Variants in SLC25A23 observed in about 807,000 individuals in gnomAD.
SLC25A23 encodes solute carrier family 25 member 23.
A neutral mutation model predicts 53.9 loss-of-function variants in SLC25A23; 32 were observed. That is an observed-to-expected ratio of 0.59 (90% confidence interval 0.45 to 0.80). SLC25A23 has a LOEUF of 0.80. Ranked by LOEUF, SLC25A23 falls within the 30% of genes least tolerant of loss-of-function variation. The probability of loss-of-function intolerance (pLI) is 0.00; values close to 1 mark genes in which losing one functional copy is unlikely to be tolerated. For synonymous variants in SLC25A23, 275 were observed against 264.5 expected, an observed-to-expected ratio of 1.04 and a Z score of -0.38; for missense variants, 575 against 651.4, an observed-to-expected ratio of 0.88 and a Z score of 1.28.
intron 1 of SLC25A23, 80 bp from the exon 2 acceptor site, chr19:6,458,404 A>C: frequency 6.8e-7 from 1 of 1,480,790 alleles, no homozygotes; most frequent in Non-Finnish European, 9.0e-7. Context: ...CTTATGCCTT[A>C]GGAACCCAGA....
chr19:6,454,578 C>T lies in SLC25A23; in HGVS notation c.623G>A (p.Arg208His), dbSNP rs573934447. 2.0e-5 allele frequency: 32 copies of T among 1,613,690 alleles called. No homozygotes were observed. Among genetic ancestry groups the T allele is most frequent in the Middle Eastern group, 1.7e-4 (1 of 6,060 alleles). Residue 208 changes from arginine to histidine, a missense_variant, in exon 5 of 10, where the codon CGC becomes CAC. Physicochemically the swap from Arg to His is conservative, Grantham distance 29. Coordinates refer to ENST00000301454, the MANE Select transcript of SLC25A23 (RefSeq NM_024103.3). The surrounding 1 kb of genome is among the most constrained non-coding windows in gnomAD (Gnocchi z 4.3). The stretch of plus-strand genomic sequence containing the variant: ...CCTCACCTGCATGAAGACCTTGAGG[C>T]GGTCCAGAGGGGCCGTGCCTGTCCG... ...VSRTGTAPLD[R>H]LKVFMQVHAS...
In SLC25A23 at chr19:6,459,198, A is replaced by T. The variant is rs971150257; in HGVS notation, c.156+275T>A. 6.6e-6 allele frequency among the ~76,000 whole-genome samples: 1 copy of T among 152,064 alleles called. No individual in the cohort carries two copies. Among genetic ancestry groups the T allele is most frequent in the Non-Finnish European group, 1.5e-5 (1 of 67,984 alleles). Reference sequence around the variant, plus strand: ...GGTGTGTCCCGGGCAGTGGGCAGGAAAGCGCCCCCATCTCTTCCCAGGCAG... The same window carrying T: ...GGTGTGTCCCGGGCAGTGGGCAGGATAGCGCCCCCATCTCTTCCCAGGCAG... On this transcript the variant is annotated intron_variant, in intron 1 of 9. Coordinates refer to ENST00000301454, the MANE Select transcript of SLC25A23 (RefSeq NM_024103.3). This position sits in a 1 kb window ranked among gnomAD's most constrained non-coding sequence, Gnocchi z 4.6.
Position 6,442,171 on chromosome 19 carries a change from C to CTGGGTGGGGGG in SLC25A23, c.1223-13_1223-12insCCCCCCACCCA. On this transcript the variant is annotated splice_polypyrimidine_tract_variant and intron_variant, in intron 9 of 9. Coordinates refer to ENST00000301454, the MANE Select transcript of SLC25A23 (RefSeq NM_024103.3). Reference sequence around the variant, plus strand: ...ACCCTCGATGGAGGCTGGGAGGGGGCGGGGGGGGCACCAGGTAAGGCCAAC... The same window carrying CTGGGTGGGGGG: ...ACCCTCGATGGAGGCTGGGAGGGGGCTGGGTGGGGGGGGGGGGGGCACCAGGTAAGGCCAAC... 1.7e-6 allele frequency: 1 copy of CTGGGTGGGGGG among 597,884 alleles called. No individual in the cohort carries two copies. Among genetic ancestry groups the CTGGGTGGGGGG allele is most frequent in the Non-Finnish European group, 2.6e-6 (1 of 384,764 alleles). The allele number at this position is 597,884 out of a possible 1,614,324, so 37.0% of individuals were successfully genotyped here.
intron 8 of SLC25A23, among the ~76,000 whole-genome samples, chr19:6,444,862 T>C (rs113002316): frequency 2.6e-5 from 4 of 151,886 alleles, no homozygotes; most frequent in African/African-American, 9.7e-5. Flanking sequence ...AGAGACAGGG[T>C]TTCACCGTGC....
At position 6,454,792 on chromosome 19, in the gene SLC25A23, T is replaced by A; in HGVS notation, c.484-75A>T. ...TGTGACTCAGTCCTAAATAGGGGAG[T>A]CTCCTCTATGAATCCTAGGATACCC... is the stretch of plus-strand genomic sequence containing the variant. On this transcript the variant is annotated intron_variant, in intron 4 of 9. Coordinates refer to ENST00000301454, the MANE Select transcript of SLC25A23 (RefSeq NM_024103.3). This position sits in a 1 kb window ranked among gnomAD's most constrained non-coding sequence, Gnocchi z 4.3. The A allele has an allele frequency of 2.0e-6, 3 of 1,521,334 alleles. No homozygotes were observed. The highest frequency in any genetic ancestry group is 1.2e-5 in the South Asian group (1 of 82,798). 94.2% of individuals were successfully genotyped at this position (1,521,334 alleles called of 1,614,324 possible). A position where few individuals can be genotyped will look rare whatever the true frequency, so the allele number is the denominator to read the frequency against.
intron 4 of SLC25A23, 119 bp downstream of exon 4, chr19:6,456,301 G>A: frequency 9.5e-7 from 1 of 1,053,916 alleles, no homozygotes; most frequent in South Asian, 1.5e-5. Context: ...GCTGCTGCCA[G>A]TGCCTTCTCC....
intron 8 of SLC25A23, among the ~76,000 whole-genome samples, chr19:6,450,522 C>T (rs1179666301): frequency 6.6e-6 from 1 of 152,134 alleles, no homozygotes; most frequent in East Asian, 1.9e-4. Context: ...CCATGCTGGT[C>T]TCATTCAACA....
intron 2 of SLC25A23, among the ~76,000 whole-genome samples, 176 bp from the exon 3 acceptor site, chr19:6,457,766 G>T (rs1392734847): frequency 6.6e-6 from 1 of 152,042 alleles, no homozygotes; most frequent in Non-Finnish European, 1.5e-5. Context: ...ACTGGGGTCA[G>T]AGAGGTGGAA....
intron 8 of SLC25A23, among the ~76,000 whole-genome samples, 188 bp from the exon 9 acceptor site, chr19:6,444,489 G>C (rs1435483088): frequency 1.3e-5 from 2 of 152,098 alleles, no homozygotes; most frequent in African/African-American, 4.8e-5. Flanking sequence ...CTCTCTGGTA[G>C]GTGGAATAAG....
At position 6,454,721 on chromosome 19, in the gene SLC25A23, A is replaced by C. The variant is rs747559236; in HGVS notation, c.484-4T>G. ...GGCACTCGCCAATGTCCAGGACCTA[A>C]AGATACAGGTGTTGGGGGTGTCATG... On this transcript the variant is annotated splice_polypyrimidine_tract_variant and splice_region_variant and intron_variant, in intron 4 of 9. Transcript: ENST00000301454. The surrounding 1 kb of genome is among the most constrained non-coding windows in gnomAD (Gnocchi z 4.3). 4 of 1,613,552 alleles carry C rather than the reference A, an allele frequency of 2.5e-6. No homozygotes were observed. The highest frequency in any genetic ancestry group is 3.4e-6 in the Non-Finnish European group (4 of 1,179,880).
rs762965215 is a variant in SLC25A23 at position 6,441,080 on chromosome 19, C to T, written c.*895G>A. ...GGGGCCCCCGCACTTGTTTTAGGAG[C>T]CAGAATCTGGTGGGTGAAGGCTTGG... On this transcript the variant is annotated 3_prime_UTR_variant, in exon 10 of 10. Coordinates refer to ENST00000301454, the MANE Select transcript of SLC25A23 (RefSeq NM_024103.3). 1 of 152,098 alleles carries T rather than the reference C, an allele frequency of 6.6e-6. No individual in the cohort carries two copies. Among genetic ancestry groups the T allele is most frequent in the South Asian group, 2.1e-4 (1 of 4,820 alleles). 9.4% of individuals were successfully genotyped at this position (152,098 alleles called of 1,614,324 possible).
intron 8 of SLC25A23, among the ~76,000 whole-genome samples, chr19:6,450,120 C>T (rs866360140): frequency 2.6e-5 from 4 of 151,616 alleles, no homozygotes; most frequent in East Asian, 1.9e-4. Context: ...GGCTTCCCAA[C>T]GTGCTGGGAT....
rs2092425108 is a variant in SLC25A23, at chr19:6,441,839, G to A, written c.*136C>T. The stretch of plus-strand genomic sequence containing the variant: ...TGGGATCCCATGACCCAATGGTTGG[G>A]GCATAGGAGTCTAGGATCCAGGATC... On this transcript the variant is annotated 3_prime_UTR_variant, in exon 10 of 10. Coordinates refer to ENST00000301454, the MANE Select transcript of SLC25A23 (RefSeq NM_024103.3). 1 of 785,748 alleles carries A rather than the reference G, an allele frequency of 1.3e-6. No homozygotes were observed. The highest frequency in any genetic ancestry group is 2.1e-6 in the Non-Finnish European group (1 of 483,414). The allele number at this position is 785,748 out of a possible 1,614,324, so 48.7% of individuals were successfully genotyped here.
chr19:6,439,399 T>A (rs382153), downstream of SLC25A23, among the ~76,000 whole-genome samples: 20,555 of 123,510 alleles, frequency 0.17, 2,153 homozygotes, highest in African/African-American at 0.36. Flanking sequence ...TCTCTCTCTC[T>A]CACACACACA....
chr19:6,442,176 G>A lies in SLC25A23; in HGVS notation c.1223-17C>T, dbSNP rs566253647. ...CGATGGAGGCTGGGAGGGGGCGGGG[G>A]GGGCACCAGGTAAGGCCAACGTTCC... On this transcript the variant is annotated splice_polypyrimidine_tract_variant and intron_variant, in intron 9 of 9. Transcript: ENST00000301454. The A allele has an allele frequency of 1.0e-5, 15 of 1,477,782 alleles. No homozygotes were observed. Among genetic ancestry groups the A allele is most frequent in the Middle Eastern group, 1.9e-4 (1 of 5,186 alleles). 91.5% of individuals were successfully genotyped at this position (1,477,782 alleles called of 1,614,324 possible). A position where few individuals can be genotyped will look rare whatever the true frequency, so the allele number is the denominator to read the frequency against.
intron 9 of SLC25A23, chr19:6,443,669 T>A: frequency 1.4e-6 from 1 of 693,068 alleles, no homozygotes; most frequent in Non-Finnish European, 2.6e-6. Context: ...CCAGTGAAAA[T>A]CACAAAACAC....
chr19:6,449,412 C>T (rs2092553980), intron 8 of SLC25A23, among the ~76,000 whole-genome samples: 1 of 148,246 alleles, frequency 6.7e-6, no homozygotes, highest in African/African-American at 2.6e-5. Context: ...ACCACCACAC[C>T]TGGCTATTTT....
rs527480686 is a variant in SLC25A23, at chr19:6,456,306, T to G, written c.483+114A>C. 1.6e-5 allele frequency: 18 copies of G among 1,110,164 alleles called. No individual in the cohort carries two copies. In the East Asian group the frequency reaches 4.5e-4, roughly 28 times the overall value. 68.8% of individuals were successfully genotyped at this position (1,110,164 alleles called of 1,614,324 possible). A position where few individuals can be genotyped will look rare whatever the true frequency, so the allele number is the denominator to read the frequency against. On this transcript the variant is annotated intron_variant, in intron 4 of 9. Transcript: ENST00000301454. ...TCATCCGTCAGCTGCTGCCAGTGCC[T>G]TCTCCTTCTGGAAAGTCCTGGTCCA... is the stretch of plus-strand genomic sequence containing the variant.
intron 8 of SLC25A23, among the ~76,000 whole-genome samples, chr19:6,445,868 A>G (rs1224718628): frequency 6.6e-6 from 1 of 152,092 alleles, no homozygotes; most frequent in Non-Finnish European, 1.5e-5. Context: ...CCTCGGAAAC[A>G]TAGCAAGACT....
Sources: gnomAD v4.1 joint callset for allele counts (sites outside exome capture counted in the v4.1 genomes callset) on GRCh38, gnomAD v4.1.1 for gene constraint, Gnocchi (gnomAD v3.1) non-coding constraint, MANE v1.5 for transcripts, NCBI Gene and HGNC (gene_info 2026-07-23, HGNC 2026-07-21) for gene names.